Variants in EYS observed in about 807,000 individuals in gnomAD.
EYS encodes protein eyes shut homolog.
EYS carries 250 observed loss-of-function variants against 282.1 expected under a neutral mutation model. The ratio of observed to expected loss-of-function variants is 0.89; its 90% CI spans 0.80 to 0.98. EYS has a LOEUF of 0.98. EYS is among the 50% of genes least tolerant of loss of function. The probability of loss-of-function intolerance (pLI) is 0.00; values close to 1 mark genes in which losing one functional copy is unlikely to be tolerated. For missense variants in EYS, 4,016 were observed against 3,709.0 expected (o/e 1.08, Z -2.15); for synonymous variants, 1,355 against 1,282.9 (o/e 1.06, Z -1.20).
At chr6:64,474,914 G>A (rs1776216012) in intron 26 of EYS, among the ~76,000 whole-genome samples, 1 of 152,162 alleles carries the variant, frequency 6.6e-6, no homozygotes, top group Non-Finnish European at 1.5e-5. Context: ...CAGTAAAGGA[G>A]AGGAAACACA....
chr6:65,070,478 T>A (rs991075887), intron 12 of EYS, among the ~76,000 whole-genome samples: 1 of 151,830 alleles, frequency 6.6e-6, no homozygotes, highest in South Asian at 2.1e-4. Context: ...TCTCTCAATC[T>A]CCTACAATAT....
intron 35 of EYS, among the ~76,000 whole-genome samples, chr6:63,922,137 C>G (rs767682696): frequency 1.3e-5 from 2 of 152,188 alleles, no homozygotes; most frequent in Non-Finnish European, 2.9e-5. Context: ...CCTTGAACTT[C>G]CAGCCTCCAA....
chr6:65,177,958 G>A (rs1765269472), intron 12 of EYS, among the ~76,000 whole-genome samples: 1 of 151,878 alleles, frequency 6.6e-6, no homozygotes, highest in Non-Finnish European at 1.5e-5. Context: ...TTAGATTTCA[G>A]TTTGTTAGTC....
intron 12 of EYS, among the ~76,000 whole-genome samples, chr6:65,114,385 A>C (rs1775307712): frequency 6.7e-6 from 1 of 150,276 alleles, no homozygotes; most frequent in Admixed American, 6.6e-5. Flanking sequence ...GCAGCAGCAG[A>C]ATCTTTAGTT....
chr6:64,457,504 T>TTCG (rs1012565235), intron 26 of EYS, among the ~76,000 whole-genome samples: 12 of 152,182 alleles, frequency 7.9e-5, no homozygotes, highest in African/African-American at 2.9e-4. Flanking sequence ...TCTCTCTCCC[T>TTCG]TCGTATCTAT....
intron 19 of EYS, among the ~76,000 whole-genome samples, chr6:64,831,688 C>A (rs538723519): frequency 4.5e-4 from 69 of 152,030 alleles, no homozygotes; most frequent in African/African-American, 1.6e-3. Flanking sequence ...TAAATGAAGT[C>A]TTCTCTCTCT....
chr6:64,126,484 C>T (rs1773790932), intron 31 of EYS, among the ~76,000 whole-genome samples: 2 of 151,962 alleles, frequency 1.3e-5, no homozygotes, highest in African/African-American at 4.8e-5. Context: ...AAATTCTGGC[C>T]TGTAGAAATG....
intron 22 of EYS, among the ~76,000 whole-genome samples, chr6:64,649,038 C>T (rs980867552): frequency 1.3e-5 from 2 of 151,894 alleles, no homozygotes; most frequent in African/African-American, 4.8e-5. Flanking sequence ...CTTATATATA[C>T]AGAAAGAAAG....
rs561741649 is a variant in EYS, at chr6:65,443,315, T to C, written c.863-37948A>G. ...ATATGCATACATGTGTGTACACATA[T>C]AGACATATATGCATACATGTATGTA... is the stretch of plus-strand genomic sequence containing the variant. On this transcript the variant is annotated intron_variant, in intron 5 of 42. Coordinates refer to ENST00000503581, the MANE Select transcript of EYS (RefSeq NM_001142800.2). 3.0e-3 allele frequency among the ~76,000 whole-genome samples: 316 copies of C among 106,332 alleles called. 20 individuals are homozygous for C. The highest frequency in any genetic ancestry group is 7.3e-3 in the African/African-American group (280 of 38,218). The allele number at this position is 106,332 out of a possible 152,430, so 69.8% of individuals were successfully genotyped here.
At chr6:64,679,142 C>T (rs1177045899) in intron 22 of EYS, among the ~76,000 whole-genome samples, 1 of 152,156 alleles carries the variant, frequency 6.6e-6, no homozygotes, top group East Asian at 1.9e-4. Flanking sequence ...CCCAACTTCA[C>T]ATCTTGTAGA....
chr6:63,960,844 C>T (rs1766027995), intron 35 of EYS, among the ~76,000 whole-genome samples: 1 of 152,160 alleles, frequency 6.6e-6, no homozygotes, highest in African/African-American at 2.4e-5. Flanking sequence ...GTAAACATAA[C>T]TTTTATTGCA....
At chr6:64,326,309 C>T (rs1770420179) in intron 29 of EYS, among the ~76,000 whole-genome samples, 1 of 152,046 alleles carries the variant, frequency 6.6e-6, no homozygotes, top group Admixed American at 6.5e-5. Context: ...TTATTACAGG[C>T]CCAGCGTAAT....
At chr6:64,475,661 C>T (rs982895030) in intron 26 of EYS, among the ~76,000 whole-genome samples, 4 of 151,942 alleles carry the variant, frequency 2.6e-5, no homozygotes, top group South Asian at 2.1e-4. Flanking sequence ...ATTGTGTCCT[C>T]GGCCCAATTC....
intron 13 of EYS, among the ~76,000 whole-genome samples, chr6:65,003,617 G>A (rs1771538937): frequency 6.8e-6 from 1 of 147,014 alleles, no homozygotes; most frequent in South Asian, 2.2e-4. Flanking sequence ...GTCTTGTGGG[G>A]CATCACAGAA....
At chr6:64,687,669 G>T (rs556572397) in intron 22 of EYS, among the ~76,000 whole-genome samples, 1 of 152,180 alleles carries the variant, frequency 6.6e-6, no homozygotes, top group Non-Finnish European at 1.5e-5. Flanking sequence ...AGGGATATTA[G>T]TCTAAAATTC....
At chr6:65,519,529 TTAA>T (rs1228882547) in intron 2 of EYS, among the ~76,000 whole-genome samples, 6 of 149,390 alleles carry the variant, frequency 4.0e-5, no homozygotes, top group Non-Finnish European at 5.9e-5. Flanking sequence ...TTAATATAAC[TTAA>T]TAATAGAATA....
intron 31 of EYS, among the ~76,000 whole-genome samples, chr6:64,127,905 CA>C (rs549809970): frequency 2.8e-4 from 43 of 152,062 alleles, no homozygotes; most frequent in African/African-American, 1.0e-3. Context: ...AATTGTATCT[CA>C]AAAAATGGTC....
intron 22 of EYS, chr6:64,733,713 G>T (rs1772059102): frequency 6.2e-6 from 1 of 160,364 alleles, no homozygotes; most frequent in East Asian, 1.7e-4. Context: ...AATGGGCTTA[G>T]AATCATAGCG....
chr6:65,132,816 T>C (rs1478557128), intron 12 of EYS, among the ~76,000 whole-genome samples: 1 of 151,956 alleles, frequency 6.6e-6, no homozygotes, highest in African/African-American at 2.4e-5. Flanking sequence ...GATAACCCCA[T>C]AGTCTCAGCC....
Sources: allele counts gnomAD v4.1 joint callset (sites outside exome capture counted in the v4.1 genomes callset), GRCh38; gene constraint gnomAD v4.1.1; transcripts MANE v1.5; gene names NCBI Gene and HGNC (gene_info 2026-07-23, HGNC 2026-07-21).